Variants in RASGRP1 observed in about 807,000 individuals in gnomAD.
The protein encoded by RASGRP1 is RAS guanyl-releasing protein 1.
A neutral mutation model predicts 95.1 loss-of-function variants in RASGRP1; 37 were observed. The ratio of observed to expected loss-of-function variants is 0.39; its 90% CI spans 0.30 to 0.51. RASGRP1 has a LOEUF of 0.51. Among genes scored for constraint, RASGRP1 ranks in the 20% least tolerant of loss-of-function variants. The probability of loss-of-function intolerance (pLI) is 0.80; values close to 1 mark genes in which losing one functional copy is unlikely to be tolerated. For synonymous variants in RASGRP1, 325 were observed against 353.4 expected (o/e 0.92, Z 0.90); for missense variants, 711 against 965.4 (o/e 0.74, Z 3.49).
chr15:38,522,856 T>A (rs1021948045), intron 3 of RASGRP1, among the ~76,000 whole-genome samples: 3 of 152,152 alleles, frequency 2.0e-5, no homozygotes, highest in Non-Finnish European at 4.4e-5. Flanking sequence ...AACTCCGTAG[T>A]CTGCAGAGGC....
intron 10 of RASGRP1, chr15:38,503,761 T>G: frequency 4.8e-6 from 1 of 210,012 alleles, no homozygotes. Flanking sequence ...AGGAAAAGCT[T>G]AGCTAAAAGG....
At chr15:38,500,587 C>T (rs1890975534) in intron 13 of RASGRP1, among the ~76,000 whole-genome samples, 1 of 152,158 alleles carries the variant, frequency 6.6e-6, no homozygotes, top group African/African-American at 2.4e-5. Flanking sequence ...CTCAAGTGAT[C>T]TGCCTGCCTT....
Position 38,564,648 on chromosome 15 carries a change from G to T in RASGRP1, c.-20C>A. 1.5e-6 allele frequency: 2 copies of T among 1,315,972 alleles called. No individual in the cohort carries two copies. The highest frequency in any genetic ancestry group is 9.7e-7 in the Non-Finnish European group (1 of 1,026,560). 81.5% of individuals were successfully genotyped at this position (1,315,972 alleles called of 1,614,324 possible). ...GCCCATGGCCGCGGCCCGCGCTCCCGGTGCCGGCTCACCTAGCGCGGCCGG... is the reference window on the plus strand; with the variant it reads ...GCCCATGGCCGCGGCCCGCGCTCCCTGTGCCGGCTCACCTAGCGCGGCCGG... On this transcript the variant is annotated 5_prime_UTR_variant, in exon 1 of 17. Coordinates refer to ENST00000310803, the MANE Select transcript of RASGRP1 (RefSeq NM_005739.4).
rs193078335 is a variant in RASGRP1 at position 38,508,791 on chromosome 15, A to G, written c.967-790T>C. ...CAATCACTTGTCATTCAAGTCAGCAAGCAGTTCACAGAATCCATTCCCCAT... is the reference window on the plus strand; with the variant it reads ...CAATCACTTGTCATTCAAGTCAGCAGGCAGTTCACAGAATCCATTCCCCAT... On this transcript the variant is annotated intron_variant, in intron 8 of 16. Coordinates refer to ENST00000310803, the MANE Select transcript of RASGRP1 (RefSeq NM_005739.4). Among the ~76,000 whole-genome samples, 51 of 152,340 alleles carry G rather than the reference A, an allele frequency of 3.3e-4. No individual in the cohort carries two copies. In the East Asian group the frequency reaches 9.5e-3, roughly 28 times the overall value.
At position 38,500,143 on chromosome 15, in the gene RASGRP1, T is replaced by C. The variant is rs373679494; in HGVS notation, c.1684-4A>G. 20 of 1,613,014 alleles carry C rather than the reference T, an allele frequency of 1.2e-5. No individual in the cohort carries two copies. Among genetic ancestry groups the C allele is most frequent in the East Asian group, 2.2e-5 (1 of 44,896 alleles). Reference sequence around the variant, plus strand: ...CTTGTTTGATCACTCCCCAGAGCTATGAAACAAGAGACAGAATGCACCACA... The same window carrying C: ...CTTGTTTGATCACTCCCCAGAGCTACGAAACAAGAGACAGAATGCACCACA... On this transcript the variant is annotated splice_region_variant and splice_polypyrimidine_tract_variant and intron_variant, in intron 13 of 16. Transcript: ENST00000310803.
Position 38,564,759 on chromosome 15 carries a change from TCGAGCCCGG to T in RASGRP1, c.-140_-132del. ...TCGTAGCCCCGGCGCCCGCCAGCCC[TCGAGCCCGG>T]CGAGCCCGACCGAGGTGCACCGCAG... On this transcript the variant is annotated 5_prime_UTR_variant, in exon 1 of 17. Coordinates refer to ENST00000310803, the MANE Select transcript of RASGRP1 (RefSeq NM_005739.4). 6.4e-6 allele frequency: 5 copies of T among 776,746 alleles called. No homozygotes were observed. The highest frequency in any genetic ancestry group is 8.2e-6 in the Non-Finnish European group (5 of 606,666). The allele number at this position is 776,746 out of a possible 1,614,324, so 48.1% of individuals were successfully genotyped here.
intron 2 of RASGRP1, among the ~76,000 whole-genome samples, chr15:38,553,394 GT>G (rs1893415447): frequency 6.6e-6 from 1 of 152,160 alleles, no homozygotes; most frequent in South Asian, 2.1e-4. Flanking sequence ...TTCCCAATGT[GT>G]TTTCATCACA....
chr15:38,501,651 C>T (rs2141090604), intron 12 of RASGRP1, among the ~76,000 whole-genome samples: 1 of 152,288 alleles, frequency 6.6e-6, no homozygotes, highest in South Asian at 2.1e-4. Flanking sequence ...CTAACTGGAA[C>T]CCACTAACCA....
intron 2 of RASGRP1, among the ~76,000 whole-genome samples, chr15:38,556,555 T>G (rs559898839): frequency 1.1e-4 from 17 of 152,230 alleles, no homozygotes; most frequent in Non-Finnish European, 1.9e-4. Flanking sequence ...TATTCTTTTT[T>G]CCTTTGCGAC....
At chr15:38,562,611 T>G (rs561354912) in intron 1 of RASGRP1, among the ~76,000 whole-genome samples, 21 of 152,310 alleles carry the variant, frequency 1.4e-4, no homozygotes, top group Admixed American at 9.2e-4. Flanking sequence ...ATAAAGTCAT[T>G]CATTGTAGAA....
chr15:38,503,650 C>T, intron 10 of RASGRP1: 2 of 451,660 alleles, frequency 4.4e-6, no homozygotes, highest in Non-Finnish European at 7.9e-6. Flanking sequence ...GCAATTCCCT[C>T]TCCATTAAAC....
chr15:38,544,230 T>A (rs1338602386), intron 2 of RASGRP1, among the ~76,000 whole-genome samples: 3 of 152,200 alleles, frequency 2.0e-5, no homozygotes, highest in East Asian at 1.9e-4. Flanking sequence ...TCCCAGACCA[T>A]GAGACCTCCT....
At position 38,557,427 on chromosome 15, in the gene RASGRP1, C is replaced by T. The variant is rs567743219; in HGVS notation, c.220+2394G>A. Among the ~76,000 whole-genome samples, 4 of 152,260 alleles carry T rather than the reference C, an allele frequency of 2.6e-5. No individual in the cohort carries two copies. The South Asian group carries it at 8.3e-4, about 32-fold the overall frequency. ...AATACACAAAACCCTGAGATCTTAC[C>T]TTACTGACTTCCCGCAGCATTCCCT... On this transcript the variant is annotated intron_variant, in intron 2 of 16. Coordinates refer to ENST00000310803, the MANE Select transcript of RASGRP1 (RefSeq NM_005739.4).
intron 2 of RASGRP1, chr15:38,534,479 A>T (rs1595866365): frequency 6.6e-6 from 1 of 151,976 alleles, no homozygotes; most frequent in East Asian, 1.9e-4. Flanking sequence ...CTTGGTTACA[A>T]TTGGCTTTTA....
intron 2 of RASGRP1, among the ~76,000 whole-genome samples, chr15:38,543,713 T>C (rs1017077050): frequency 6.6e-6 from 1 of 151,614 alleles, no homozygotes; most frequent in Non-Finnish European, 1.5e-5. Flanking sequence ...TTTGGTATAT[T>C]TTATTTTTCA....
chr15:38,497,433 T>C (rs950500233), intron 15 of RASGRP1, among the ~76,000 whole-genome samples: 1 of 152,112 alleles, frequency 6.6e-6, no homozygotes, highest in African/African-American at 2.4e-5. Flanking sequence ...AAAGCTGTTC[T>C]GCCCTTGGCC....
rs766339971 is a variant in RASGRP1, at chr15:38,494,415, G to C, written c.2226C>G (p.His742Gln). 3.7e-6 allele frequency: 6 copies of C among 1,613,938 alleles called. No individual in the cohort carries two copies. In the South Asian group the frequency reaches 5.5e-5, roughly 15 times the overall value. Reference sequence around the variant, plus strand: ...GTTCTTGGTAGGTAGGCAGTCTGAGGTGACGGAGCTCCTCCTTTGATTTTA... The same window carrying C: ...GTTCTTGGTAGGTAGGCAGTCTGAGCTGACGGAGCTCCTCCTTTGATTTTA... Reference protein sequence around the residue: ...SLIKSKEELRHLRLPTYQELE... With the variant: ...SLIKSKEELRQLRLPTYQELE... The change falls in exon 16 of 17, where the codon CAC (histidine) becomes CAG (glutamine). Residue 742 changes from histidine to glutamine, a missense_variant. Around this residue, in one of 3 missense-constraint regions of RASGRP1, gnomAD observed 212 missense variants for 247.8 expected, o/e 0.86. Coordinates refer to ENST00000310803, the MANE Select transcript of RASGRP1 (RefSeq NM_005739.4).
At chr15:38,518,459 T>G (rs1347653629) in intron 4 of RASGRP1, 36 bp from the exon 5 acceptor site, 2 of 1,578,188 alleles carry the variant, frequency 1.3e-6, no homozygotes, top group African/African-American at 2.7e-5. Flanking sequence ...AATCCAAAAC[T>G]GATACCAAGG....
At chr15:38,541,270 C>T (rs781498407) in intron 2 of RASGRP1, among the ~76,000 whole-genome samples, 6 of 152,118 alleles carry the variant, frequency 3.9e-5, no homozygotes, top group Non-Finnish European at 4.4e-5. Flanking sequence ...GGCCAGCGGG[C>T]GTCTAAATGA....
Sources: allele counts gnomAD v4.1 joint callset (sites outside exome capture counted in the v4.1 genomes callset), GRCh38; gene constraint gnomAD v4.1.1; regional missense constraint gnomAD v4.1.1; transcripts MANE v1.5; gene names NCBI Gene and HGNC (gene_info 2026-07-23, HGNC 2026-07-21).